Variants in AGMO observed in about 807,000 individuals in gnomAD.
The protein encoded by AGMO is alkylglycerol monooxygenase, also known as glyceryl-ether monooxygenase.
AGMO carries 75 observed loss-of-function variants against 60.2 expected under a neutral mutation model. The ratio of observed to expected loss-of-function variants is 1.25; its 90% CI spans 1.03 to 1.51. The LOEUF (loss-of-function observed/expected upper bound fraction) is 1.51. Ranked by LOEUF, AGMO falls within the 40% of genes most tolerant of loss-of-function variation. The probability of loss-of-function intolerance (pLI) is 0.00; values close to 1 mark genes in which losing one functional copy is unlikely to be tolerated. For synonymous variants in AGMO, 261 were observed against 177.1 expected, an observed-to-expected ratio of 1.47 and a Z score of -3.76; for missense variants, 763 against 525.5, an observed-to-expected ratio of 1.45 and a Z score of -4.42.
intron 3 of AGMO, among the ~76,000 whole-genome samples, chr7:15,510,957 T>C (rs978192100): frequency 6.6e-6 from 1 of 150,474 alleles, no homozygotes; most frequent in Non-Finnish European, 1.5e-5. Flanking sequence ...TATAAACAAG[T>C]TCCTATGGCT....
chr7:15,184,479 AGGAG>A, the AGMO span, among the ~76,000 whole-genome samples: 1 of 81,342 alleles, frequency 1.2e-5, no homozygotes, highest in Admixed American at 1.2e-4. Flanking sequence ...AGGAAGGAAA[AGGAG>A]GGAGGGAAGG....
At chr7:15,248,572 T>C (rs1328775031) in intron 12 of AGMO, among the ~76,000 whole-genome samples, 1 of 152,084 alleles carries the variant, frequency 6.6e-6, no homozygotes, top group Non-Finnish European at 1.5e-5. Flanking sequence ...AAGAAATTTC[T>C]ACCTGCTCCT....
At chr7:15,319,374 G>A (rs1781036843) in intron 12 of AGMO, among the ~76,000 whole-genome samples, 2 of 152,104 alleles carry the variant, frequency 1.3e-5, no homozygotes, top group South Asian at 2.1e-4. Context: ...AATAAAATCA[G>A]TCTAAAGTCT....
chr7:15,322,354 T>C (rs188872589), intron 12 of AGMO, among the ~76,000 whole-genome samples: 88 of 142,906 alleles, frequency 6.2e-4, no homozygotes, highest in East Asian at 3.6e-3. Flanking sequence ...GGGAAAACAA[T>C]TGGGATCCAA....
At chr7:15,381,954 A>C (rs1363359201) in intron 10 of AGMO, among the ~76,000 whole-genome samples, 4 of 152,118 alleles carry the variant, frequency 2.6e-5, no homozygotes, top group African/African-American at 9.7e-5. Flanking sequence ...TCTCACTTGT[A>C]AGTGGGAGCG....
At chr7:15,340,253 C>T (rs1393006186) in intron 12 of AGMO, among the ~76,000 whole-genome samples, 1 of 151,918 alleles carries the variant, frequency 6.6e-6, no homozygotes, top group Non-Finnish European at 1.5e-5. Flanking sequence ...TGACTGTGAC[C>T]CATCACATGT....
At chr7:15,335,692 G>C (rs1781637355) in intron 12 of AGMO, among the ~76,000 whole-genome samples, 1 of 152,106 alleles carries the variant, frequency 6.6e-6, no homozygotes, top group African/African-American at 2.4e-5. Flanking sequence ...CTGCATACCA[G>C]TTACTGTTAA....
At chr7:15,470,474 A>C in intron 3 of AGMO, among the ~76,000 whole-genome samples, 1 of 152,050 alleles carries the variant, frequency 6.6e-6, no homozygotes, top group Admixed American at 6.6e-5. Flanking sequence ...TTGTTTCTAA[A>C]ATTTTTCAAC....
At chr7:15,285,127 G>A (rs769167971) in intron 12 of AGMO, among the ~76,000 whole-genome samples, 6 of 151,788 alleles carry the variant, frequency 4.0e-5, no homozygotes, top group Non-Finnish European at 7.4e-5. Context: ...ATGTCATACT[G>A]AATGGTGAAA....
chr7:15,464,707 C>G (rs1039401700), intron 3 of AGMO, among the ~76,000 whole-genome samples: 1 of 152,176 alleles, frequency 6.6e-6, no homozygotes, highest in African/African-American at 2.4e-5. Context: ...GTAGACAAGA[C>G]AGCAGTTATA....
At chr7:15,241,391 C>T (rs13438186) in intron 12 of AGMO, among the ~76,000 whole-genome samples, 3 of 128,024 alleles carry the variant, frequency 2.3e-5, no homozygotes, top group Non-Finnish European at 4.7e-5. Flanking sequence ...ACCCAAGAGG[C>T]GGAGCTTGCA....
chr7:15,526,856 C>T (rs576728268), intron 3 of AGMO, among the ~76,000 whole-genome samples: 100 of 152,266 alleles, frequency 6.6e-4, no homozygotes, highest in Non-Finnish European at 1.2e-3. Context: ...GTAATTCACA[C>T]AATATTTCAA....
chr7:15,307,500 T>C (rs1171240438), intron 12 of AGMO, among the ~76,000 whole-genome samples: 2 of 152,010 alleles, frequency 1.3e-5, no homozygotes, highest in African/African-American at 4.8e-5. Context: ...AAGGATGTTC[T>C]GAAATAAATC....
chr7:15,311,252 A>C (rs185304636), intron 12 of AGMO, among the ~76,000 whole-genome samples: 17 of 152,326 alleles, frequency 1.1e-4, no homozygotes, highest in Admixed American at 1.1e-3. Flanking sequence ...ACAAATATGG[A>C]AACTCATATA....
chr7:15,351,547 A>G (rs1252681293), intron 12 of AGMO, among the ~76,000 whole-genome samples: 1 of 152,190 alleles, frequency 6.6e-6, no homozygotes, highest in Non-Finnish European at 1.5e-5. Flanking sequence ...TAGGAAGGAT[A>G]TCATGTGCGT....
intron 7 of AGMO, 39 bp downstream of exon 7, chr7:15,390,801 A>C: frequency 6.3e-7 from 1 of 1,583,270 alleles, no homozygotes; most frequent in Non-Finnish European, 8.7e-7. Context: ...AAAGTAAAGG[A>C]GCTGATTTAA....
the AGMO span, among the ~76,000 whole-genome samples, chr7:15,186,809 C>T: frequency 1.3e-5 from 2 of 152,132 alleles, no homozygotes; most frequent in Non-Finnish European, 2.9e-5. Context: ...CCTTCTCATT[C>T]CACTTCTGGT....
intron 12 of AGMO, among the ~76,000 whole-genome samples, chr7:15,343,847 A>T (rs1456636255): frequency 1.3e-5 from 2 of 152,210 alleles, no homozygotes; most frequent in Non-Finnish European, 2.9e-5. Context: ...TAACGGACAA[A>T]ACTTGCCTTT....
chr7:15,196,717 C>T (rs1437507386), downstream of AGMO, among the ~76,000 whole-genome samples: 2 of 152,182 alleles, frequency 1.3e-5, no homozygotes, highest in African/African-American at 4.8e-5. Flanking sequence ...AAGACTGTGT[C>T]TTCCTGGTTT....
Sources: allele counts gnomAD v4.1 joint callset (sites outside exome capture counted in the v4.1 genomes callset), GRCh38; gene constraint gnomAD v4.1.1; transcripts MANE v1.5; gene names NCBI Gene and HGNC (gene_info 2026-07-23, HGNC 2026-07-21).